Variants in HIBCH observed in about 807,000 individuals in gnomAD.
HIBCH encodes the protein 3-hydroxyisobutyryl-CoA hydrolase, mitochondrial.
HIBCH carries 50 observed loss-of-function variants against 58.2 expected under a neutral mutation model. That is an observed-to-expected ratio of 0.86 (90% CI 0.68 to 1.09). The LOEUF is 1.09. Among genes scored for constraint, HIBCH ranks in the 50% least tolerant of loss-of-function variants. The pLI is 0.00. For missense variants in HIBCH, 450 were observed against 449.7 expected, an observed-to-expected ratio of 1.00 and a Z score of -0.01; for synonymous variants, 151 against 146.9, an observed-to-expected ratio of 1.03 and a Z score of -0.20.
chr2:190,303,133 T>A (rs1467945330), intron 2 of HIBCH, among the ~76,000 whole-genome samples: 2 of 152,216 alleles, frequency 1.3e-5, no homozygotes, highest in African/African-American at 4.8e-5. Context: ...AACTCATGTT[T>A]AGTTTAATAC....
At chr2:190,199,990 G>A (rs1278941312), downstream of HIBCH, 1 of 1,613,984 alleles carries the variant, frequency 6.2e-7, no homozygotes, top group Non-Finnish European at 8.5e-7. Context: ...TCCAGTTAAT[G>A]TCAAAGAGGA....
At chr2:190,196,623 T>C (rs982168053) in intron 1 of HIBCH, among the ~76,000 whole-genome samples, 1 of 152,050 alleles carries the variant, frequency 6.6e-6, no homozygotes, top group African/African-American at 2.4e-5. Context: ...TAATACCTTG[T>C]AAGGCATCTG....
chr2:190,196,611 A>G (rs1023747764), intron 1 of HIBCH, among the ~76,000 whole-genome samples: 7 of 151,496 alleles, frequency 4.6e-5, no homozygotes, highest in African/African-American at 1.7e-4. Flanking sequence ...AGGCATTGTG[A>G]ATAATACCTT....
intron 9 of HIBCH, among the ~76,000 whole-genome samples, chr2:190,248,624 A>G (rs1238664147): frequency 6.6e-6 from 1 of 152,128 alleles, no homozygotes; most frequent in African/African-American, 2.4e-5. Flanking sequence ...TACTTTGGGA[A>G]GCTGAGGAGG....
At chr2:190,208,664 T>G (rs1211025567) in intron 13 of HIBCH, 3 of 563,016 alleles carry the variant, frequency 5.3e-6, no homozygotes, top group African/African-American at 2.3e-5. Context: ...GTGTTTCAGG[T>G]TTGATTTTTT....
chr2:190,221,691 C>T (rs901642191), intron 11 of HIBCH, among the ~76,000 whole-genome samples: 2 of 152,148 alleles, frequency 1.3e-5, no homozygotes, highest in Admixed American at 1.3e-4. Flanking sequence ...CCTGCCCCAC[C>T]CCCCATCCAG....
chr2:190,253,501 T>C (rs1686838743), intron 7 of HIBCH, among the ~76,000 whole-genome samples: 1 of 152,112 alleles, frequency 6.6e-6, no homozygotes, highest in Non-Finnish European at 1.5e-5. Context: ...AGTCCCACAA[T>C]CTTCCTCCAG....
intron 6 of HIBCH, among the ~76,000 whole-genome samples, chr2:190,273,727 A>G (rs2105967230): frequency 6.6e-6 from 1 of 152,124 alleles, no homozygotes; most frequent in East Asian, 1.9e-4. Flanking sequence ...GATTTAAATT[A>G]CATAGGTGGG....
rs769443591 is a variant in HIBCH at position 190,243,184 on chromosome 2, T to C, written c.891+1703A>G. Among the ~76,000 whole-genome samples, 8 of 152,164 alleles carry C rather than the reference T, an allele frequency of 5.3e-5. No homozygotes were observed. The highest frequency in any genetic ancestry group is 1.2e-4 in the Non-Finnish European group (8 of 68,010). The stretch of plus-strand genomic sequence containing the variant: ...CACCCTTAATCTGGTGGGCACAAAC[T>C]AATCAGCTGCCAGAGAATATAAAGC... On this transcript the variant is annotated intron_variant, in intron 11 of 13. Coordinates refer to ENST00000359678, the MANE Select transcript of HIBCH (RefSeq NM_014362.4). The surrounding 1 kb of genome is among the most constrained non-coding windows in gnomAD (Gnocchi z 4.1).
intron 11 of HIBCH, among the ~76,000 whole-genome samples, chr2:190,228,115 G>A (rs563021382): frequency 1.2e-4 from 18 of 152,132 alleles, no homozygotes; most frequent in Non-Finnish European, 2.1e-4. Flanking sequence ...TGTTTATTGT[G>A]GCACTATTCA....
In HIBCH at chr2:190,251,487, A is replaced by G. The variant is rs73981019; in HGVS notation, c.663+675T>C. The G allele has an allele frequency of 5.3e-3, 2,252 of 428,196 alleles. 54 individuals are homozygous for G. Among genetic ancestry groups the G allele is most frequent in the African/African-American group, 0.042 (1,976 of 47,328 alleles). 26.5% of individuals were successfully genotyped at this position (428,196 alleles called of 1,614,324 possible). ...TTGCTGGGAATTCTGAGGCAAAACT[A>G]CCTTGAATTGGGTCTTCTGCCACAT... On this transcript the variant is annotated intron_variant, in intron 8 of 13. Transcript: ENST00000359678.
rs1281025386 is a variant in HIBCH at position 190,279,198 on chromosome 2, C to T, written c.438+8388G>A. 2.6e-5 allele frequency among the ~76,000 whole-genome samples: 4 copies of T among 152,174 alleles called. No individual in the cohort carries two copies. The highest frequency in any genetic ancestry group is 9.7e-5 in the African/African-American group (4 of 41,446). The stretch of plus-strand genomic sequence containing the variant: ...AATTAAACCATTCTTCCTGTGATAA[C>T]CTATTAATCCATGAATGGATCAAAC... On this transcript the variant is annotated intron_variant, in intron 6 of 13. Transcript: ENST00000359678. This position sits in a 1 kb window ranked among gnomAD's most constrained non-coding sequence, Gnocchi z 4.2.
intron 1 of HIBCH, among the ~76,000 whole-genome samples, chr2:190,194,272 A>G (rs1689858737): frequency 6.6e-6 from 1 of 152,164 alleles, no homozygotes; most frequent in South Asian, 2.1e-4. Context: ...AATGTTGTTC[A>G]GAACACGTAT....
At chr2:190,259,372 T>TGG (rs1553501637) in intron 7 of HIBCH, among the ~76,000 whole-genome samples, 3 of 147,030 alleles carry the variant, frequency 2.0e-5, no homozygotes, top group African/African-American at 7.7e-5. Context: ...TGTGTGTCTG[T>TGG]CTGACTGACA....
intron 7 of HIBCH, among the ~76,000 whole-genome samples, chr2:190,253,071 C>T (rs1386195883): frequency 6.6e-6 from 1 of 152,102 alleles, no homozygotes; most frequent in Non-Finnish European, 1.5e-5. Context: ...TGCCTGTAAT[C>T]CCAGCTACTG....
chr2:190,285,797 G>A (rs1687814493), intron 6 of HIBCH, among the ~76,000 whole-genome samples: 1 of 152,046 alleles, frequency 6.6e-6, no homozygotes, highest in South Asian at 2.1e-4. Context: ...CTGTGGGACA[G>A]CTGGCCGTAA....
In HIBCH at chr2:190,205,356, A is replaced by T. The variant is rs189691978; in HGVS notation, c.1046-124T>A. The T allele has an allele frequency of 2.1e-3, 1,327 of 640,846 alleles. 10 individuals are homozygous for T. The African/African-American group carries it at 0.022, about 10-fold the overall frequency. 39.7% of individuals were successfully genotyped at this position (640,846 alleles called of 1,614,324 possible). A position where few individuals can be genotyped will look rare whatever the true frequency, so the allele number is the denominator to read the frequency against. On this transcript the variant is annotated intron_variant, in intron 13 of 13. Coordinates refer to ENST00000359678, the MANE Select transcript of HIBCH (RefSeq NM_014362.4). Reference sequence around the variant, plus strand: ...TTTCTATCATACTTTTTTCCTGCAAAATTTTTATATGTATTCTATTTTTCT... The same window carrying T: ...TTTCTATCATACTTTTTTCCTGCAATATTTTTATATGTATTCTATTTTTCT...
At position 190,279,488 on chromosome 2, in the gene HIBCH, C is replaced by G. The variant is rs7562059; in HGVS notation, c.438+8098G>C. On this transcript the variant is annotated intron_variant, in intron 6 of 13. Transcript: ENST00000359678. The surrounding 1 kb of genome is among the most constrained non-coding windows in gnomAD (Gnocchi z 4.2). ...AGCCTGTGTAATCAAAACAAGTTAT[C>G]TACTTCCAAGATACAGTGGTAGGAC... Among the ~76,000 whole-genome samples, 860 of 152,316 alleles carry G rather than the reference C, an allele frequency of 5.6e-3. 5 individuals carry two copies. Among genetic ancestry groups the G allele is most frequent in the African/African-American group, 0.02 (816 of 41,568 alleles).
rs867622324 is a variant in HIBCH at position 190,259,319 on chromosome 2, A to G, written c.517+1837T>C. 2.3e-3 allele frequency among the ~76,000 whole-genome samples: 286 copies of G among 122,206 alleles called. 2 individuals are homozygous for G. Among genetic ancestry groups the G allele is most frequent in the Non-Finnish European group, 3.7e-3 (217 of 59,394 alleles). 80.2% of individuals were successfully genotyped at this position (122,206 alleles called of 152,430 possible). On this transcript the variant is annotated intron_variant, in intron 7 of 13. Coordinates refer to ENST00000359678, the MANE Select transcript of HIBCH (RefSeq NM_014362.4). Reference sequence around the variant, plus strand: ...AAGTTTTGTAGTTTTCAGTATACAGATGTGTGTGTGTGTGTGTGTGTGTGT... The same window carrying G: ...AAGTTTTGTAGTTTTCAGTATACAGGTGTGTGTGTGTGTGTGTGTGTGTGT...
Sources: allele counts gnomAD v4.1 joint callset (sites outside exome capture counted in the v4.1 genomes callset), GRCh38; gene constraint gnomAD v4.1.1; non-coding constraint Gnocchi (gnomAD v3.1); transcripts MANE v1.5; gene names NCBI Gene and HGNC (gene_info 2026-07-23, HGNC 2026-07-21).